CFAP91: variants seen among roughly 807,000 people sequenced by gnomAD.
The protein encoded by CFAP91 is cilia- and flagella-associated protein 91.
A neutral mutation model predicts 95.9 loss-of-function variants in CFAP91; 85 were observed. The ratio of observed to expected loss-of-function variants is 0.89; its 90% CI spans 0.74 to 1.06. CFAP91 has a LOEUF of 1.06. CFAP91 is among the 50% of genes least tolerant of loss of function. The probability of loss-of-function intolerance (pLI) is 0.00; values close to 1 mark genes in which losing one functional copy is unlikely to be tolerated. For synonymous variants in CFAP91, 335 were observed against 327.5 expected, an observed-to-expected ratio of 1.02 and a Z score of -0.25; for missense variants, 962 against 943.4, an observed-to-expected ratio of 1.02 and a Z score of -0.26.
At chr3:119,747,946 TA>T in intron 16 of CFAP91, 44 bp downstream of exon 16, 1 of 1,422,750 alleles carries the variant, frequency 7.0e-7, no homozygotes, top group Admixed American at 1.8e-5. Context: ...TTTAAAGATG[TA>T]AATTATTTTC....
At chr3:119,721,330 T>G (rs2053680844) in intron 6 of CFAP91, among the ~76,000 whole-genome samples, 1 of 152,202 alleles carries the variant, frequency 6.6e-6, no homozygotes, top group Non-Finnish European at 1.5e-5. Context: ...GAAGGAAACT[T>G]TAGAGACTTA....
At chr3:119,753,908 G>A (rs1220406558) in intron 17 of CFAP91, among the ~76,000 whole-genome samples, 2 of 152,176 alleles carry the variant, frequency 1.3e-5, no homozygotes, top group Admixed American at 6.5e-5. Context: ...GACTACTGTG[G>A]ACTTCTATCC....
intron 17 of CFAP91, among the ~76,000 whole-genome samples, chr3:119,752,865 A>G (rs1415615579): frequency 2.0e-5 from 3 of 152,312 alleles, no homozygotes; most frequent in East Asian, 3.9e-4. Context: ...CAGGCTAACT[A>G]CAGACACTCA....
rs1461272669 is a variant in CFAP91, at chr3:119,733,509, A to G, written c.1344+3A>G. 1.2e-6 allele frequency: 2 copies of G among 1,607,960 alleles called. No homozygotes were observed. Among genetic ancestry groups the G allele is most frequent in the Non-Finnish European group, 1.7e-6 (2 of 1,178,426 alleles). On this transcript the variant is annotated splice_donor_region_variant and intron_variant, in intron 10 of 17. Transcript: ENST00000273390. ...ATGAGTTGGCAGAGGTTCATAAGGT[A>G]TAATCATTATCTGGAGGACAAAATG...
Position 119,715,712 on chromosome 3 carries a change from T to C in CFAP91, c.651T>C (p.Pro217=). The C allele has an allele frequency of 6.2e-7, 1 of 1,614,138 alleles. No homozygotes were observed. The highest frequency in any genetic ancestry group is 1.1e-5 in the South Asian group (1 of 91,080). ...ATGTAGTATGTCAGGACTCAATCCC[T>C]GAGCTCTTGACCCTGGCTACGCTTA... ...AEYVVCQDSI[P]ELLTLATLTW... The change falls in exon 6 of 18, where the codon CCT becomes CCC. Residue 217 remains proline (P), a synonymous_variant. Transcript: ENST00000273390.
chr3:119,715,501 T>C, intron 5 of CFAP91, 61 bp from the exon 6 acceptor site: 2 of 1,338,394 alleles, frequency 1.5e-6, no homozygotes, highest in Non-Finnish European at 2.1e-6. Flanking sequence ...TCTACTTGAT[T>C]ATATAATATT....
At position 119,739,288 on chromosome 3, in the gene CFAP91, C is replaced by T; in HGVS notation, c.1495C>T (p.Leu499Phe). The change falls in exon 12 of 18, where the codon CTT (leucine) becomes TTT (phenylalanine). Residue 499 changes from leucine to phenylalanine, a missense_variant. Coordinates refer to ENST00000273390, the MANE Select transcript of CFAP91 (RefSeq NM_033364.4). ...EEEMEMAVIY[L>F]QKLLRGRVVQ... ...AGAAATGGAAATGGCTGTGATCTAC[C>T]TTCAAAAGTTACTCCGGGGCAGAGT... 2 of 1,614,150 alleles carry T rather than the reference C, an allele frequency of 1.2e-6. No individual in the cohort carries two copies. Among genetic ancestry groups the T allele is most frequent in the South Asian group, 2.2e-5 (2 of 91,078 alleles).
At chr3:119,742,579 C>T (rs1001851648) in intron 13 of CFAP91, among the ~76,000 whole-genome samples, 2 of 152,214 alleles carry the variant, frequency 1.3e-5, no homozygotes, top group African/African-American at 4.8e-5. Flanking sequence ...AGTGAGGGAG[C>T]TTATGCTCCC....
At chr3:119,755,379 A>G (rs1300643933) in intron 17 of CFAP91, among the ~76,000 whole-genome samples, 1 of 152,180 alleles carries the variant, frequency 6.6e-6, no homozygotes, top group Non-Finnish European at 1.5e-5. Flanking sequence ...TAGGGAGAGA[A>G]TTAGGTTTAG....
intron 17 of CFAP91, among the ~76,000 whole-genome samples, chr3:119,755,707 C>T (rs2054414819): frequency 6.6e-6 from 1 of 152,168 alleles, no homozygotes; most frequent in African/African-American, 2.4e-5. Context: ...ACAGCCTGAG[C>T]TAAGACACTT....
chr3:119,740,446 C>T, intron 12 of CFAP91, 103 bp from the exon 13 acceptor site: 2 of 1,336,062 alleles, frequency 1.5e-6, no homozygotes, highest in East Asian at 2.3e-5. Context: ...CAGGACAGAA[C>T]CCACTGTTCA....
chr3:119,733,259 A>G (rs1457506758), intron 9 of CFAP91, 105 bp from the exon 10 acceptor site: 1 of 1,191,576 alleles, frequency 8.4e-7, no homozygotes, highest in Non-Finnish European at 1.2e-6. Flanking sequence ...CCTCTCAACA[A>G]TTCTAATGAA....
chr3:119,729,643 CAA>C (rs1268200531), intron 7 of CFAP91, among the ~76,000 whole-genome samples: 15 of 110,328 alleles, frequency 1.4e-4, no homozygotes, highest in Admixed American at 2.0e-4. Context: ...GACTCTGTCT[CAA>C]AAAAAAAAAA....
intron 6 of CFAP91, among the ~76,000 whole-genome samples, chr3:119,721,877 A>G (rs1258910450): frequency 6.6e-6 from 1 of 152,180 alleles, no homozygotes; most frequent in Admixed American, 6.5e-5. Context: ...GAAATATCCA[A>G]TTAGAAAAAT....
intron 17 of CFAP91, among the ~76,000 whole-genome samples, chr3:119,762,066 G>A (rs1039778255): frequency 6.6e-6 from 1 of 151,810 alleles, no homozygotes; most frequent in Non-Finnish European, 1.5e-5. Flanking sequence ...CTTTGCAGGT[G>A]ACATGGTCTT....
chr3:119,761,119 C>T (rs2054530573), intron 17 of CFAP91, among the ~76,000 whole-genome samples: 1 of 150,226 alleles, frequency 6.7e-6, no homozygotes, highest in African/African-American at 2.4e-5. Flanking sequence ...ATTGACAAAC[C>T]TTTAACTAGA....
At chr3:119,750,868 T>G in intron 16 of CFAP91, 69 bp from the exon 17 acceptor site, 1 of 1,571,554 alleles carries the variant, frequency 6.4e-7, no homozygotes, top group Non-Finnish European at 8.7e-7. Context: ...ATCATGACTC[T>G]CTTGAAACAT....
rs142545888 is a variant in CFAP91 at position 119,751,198 on chromosome 3, C to A, written c.*1+100C>A. On this transcript the variant is annotated intron_variant, in intron 17 of 17. Coordinates refer to ENST00000273390, the MANE Select transcript of CFAP91 (RefSeq NM_033364.4). ...TCAAACAATCATAATGTGAAGATTGCTGTTTAAGAAATGGAGGACTTCCAC... is the reference window on the plus strand; with the variant it reads ...TCAAACAATCATAATGTGAAGATTGATGTTTAAGAAATGGAGGACTTCCAC... 483 of 1,327,622 alleles carry A rather than the reference C, an allele frequency of 3.6e-4. 1 individual carries two copies. The African/African-American group carries it at 6.9e-3, about 19-fold the overall frequency. The allele number at this position is 1,327,622 out of a possible 1,614,324, so 82.2% of individuals were successfully genotyped here.
rs140340649 is a variant in CFAP91, at chr3:119,744,036, A to G, written c.1742A>G (p.Asp581Gly). 1.4e-5 allele frequency: 23 copies of G among 1,614,070 alleles called. No homozygotes were observed. The highest frequency in any genetic ancestry group is 1.7e-5 in the Admixed American group (1 of 60,008). ...LEGRALADMFDFLSKELVRLQ... is the reference protein window; with the variant it reads ...LEGRALADMFGFLSKELVRLQ... The stretch of plus-strand genomic sequence containing the variant: ...GGAAGGGCACTAGCAGACATGTTTG[A>G]CTTCCTGTCCAAAGAGCTGGTGAGA... Residue 581 changes from aspartate (D) to glycine (G), a missense_variant, in exon 14 of 18, where the codon GAC becomes GGC. By Grantham distance (94) the Asp-to-Gly change is moderately conservative. Transcript: ENST00000273390.
Sources: gnomAD v4.1 joint callset for allele counts (sites outside exome capture counted in the v4.1 genomes callset) on GRCh38, gnomAD v4.1.1 for gene constraint, MANE v1.5 for transcripts, NCBI Gene and HGNC (gene_info 2026-07-23, HGNC 2026-07-21) for gene names.